CRY1: variants seen among roughly 807,000 people sequenced by gnomAD.
CRY1 encodes the protein cryptochrome-1.
A neutral mutation model predicts 76.0 loss-of-function variants in CRY1; 45 were observed. The ratio of observed to expected loss-of-function variants is 0.59; its 90% CI spans 0.47 to 0.76. CRY1 has a LOEUF of 0.76. Among genes scored for constraint, CRY1 ranks in the 30% least tolerant of loss-of-function variants. The pLI is 0.00. For missense variants in CRY1, 587 were observed against 716.4 expected (o/e 0.82, Z 2.06); for synonymous variants, 248 against 244.0 (o/e 1.02, Z -0.15).
chr12:107,048,326 C>A lies in CRY1; in HGVS notation c.159-26134G>T, dbSNP rs138934140. Among the ~76,000 whole-genome samples, 1,268 of 152,260 alleles carry A rather than the reference C, an allele frequency of 8.3e-3. 15 individuals carry two copies. Among genetic ancestry groups the A allele is most frequent in the African/African-American group, 0.029 (1,190 of 41,546 alleles). ...CGAACTCTGGACCTCATGATCCACCCACCTCGGCCTCCCAAAGTGCTGGGA... is the reference window on the plus strand; with the variant it reads ...CGAACTCTGGACCTCATGATCCACCAACCTCGGCCTCCCAAAGTGCTGGGA... On this transcript the variant is annotated intron_variant, in intron 1 of 12. Coordinates refer to ENST00000008527, the MANE Select transcript of CRY1 (RefSeq NM_004075.5).
intron 1 of CRY1, among the ~76,000 whole-genome samples, chr12:107,054,854 C>A (rs1220542521): frequency 6.6e-6 from 1 of 151,968 alleles, no homozygotes; most frequent in East Asian, 1.9e-4. Flanking sequence ...AGAACAAAAG[C>A]CTTCACTTCA....
At chr12:107,036,933 G>T (rs1005699022) in intron 1 of CRY1, among the ~76,000 whole-genome samples, 1 of 151,898 alleles carries the variant, frequency 6.6e-6, no homozygotes, top group South Asian at 2.1e-4. Context: ...TAGCATTCCT[G>T]AGCCCCCTTC....
In CRY1 at chr12:107,093,369, A is replaced by T. The variant is rs539020678; in HGVS notation, c.-408T>A. The T allele has an allele frequency of 5.8e-6, 1 of 172,080 alleles. No individual in the cohort carries two copies. The highest frequency in any genetic ancestry group is 1.7e-4 in the South Asian group (1 of 5,810). The allele number at this position is 172,080 out of a possible 1,614,324, so 10.7% of individuals were successfully genotyped here. A position where few individuals can be genotyped will look rare whatever the true frequency, so the allele number is the denominator to read the frequency against. On this transcript the variant is annotated 5_prime_UTR_variant, in exon 1 of 13. Coordinates refer to ENST00000008527, the MANE Select transcript of CRY1 (RefSeq NM_004075.5). ...ACCTCGCCCCACCAAGGCGGCCCCT[A>T]AAGACAAAACGGCCCGCCCGAGGTG... is the stretch of plus-strand genomic sequence containing the variant.
At chr12:106,994,045 T>TA (rs140864549) in intron 10 of CRY1, among the ~76,000 whole-genome samples, 2,845 of 151,562 alleles carry the variant, frequency 0.019, 50 homozygotes, top group Non-Finnish European at 0.026. Flanking sequence ...CCACAGTCAT[T>TA]AAAAAAACAA....
At position 107,019,664 on chromosome 12, in the gene CRY1, C is replaced by T. The variant is rs545174349; in HGVS notation, c.267+2420G>A. On this transcript the variant is annotated intron_variant, in intron 2 of 12. Transcript: ENST00000008527. ...AAGCAACTAGGGCTAGGTGCTACAGCTTATGCCTGTAATCCCAGTGCTTTG... is the reference window on the plus strand; with the variant it reads ...AAGCAACTAGGGCTAGGTGCTACAGTTTATGCCTGTAATCCCAGTGCTTTG... Among the ~76,000 whole-genome samples, 35 of 152,232 alleles carry T rather than the reference C, an allele frequency of 2.3e-4. No homozygotes were observed. The South Asian group carries it at 3.5e-3, about 15-fold the overall frequency.
intron 1 of CRY1, among the ~76,000 whole-genome samples, chr12:107,078,517 G>A (rs1228294730): frequency 6.6e-6 from 1 of 151,984 alleles, no homozygotes; most frequent in South Asian, 2.1e-4. Context: ...CATAGTATTC[G>A]CTGAGTTTTT....
At position 106,997,194 on chromosome 12, in the gene CRY1, G is replaced by C. The variant is rs966522767; in HGVS notation, c.1585+100C>G. ...AAGAATCTATTAAGCTAATTTCAAA[G>C]ACAGATTTTTATAAAATATGTTAGT... On this transcript the variant is annotated intron_variant, in intron 10 of 12. Transcript: ENST00000008527. The C allele has an allele frequency of 3.7e-6, 4 of 1,088,216 alleles. No homozygotes were observed. In the Middle Eastern group the frequency reaches 9.0e-4, roughly 246 times the overall value. The allele number at this position is 1,088,216 out of a possible 1,614,324, so 67.4% of individuals were successfully genotyped here.
intron 1 of CRY1, among the ~76,000 whole-genome samples, chr12:107,022,985 G>A (rs939587715): frequency 1.3e-5 from 2 of 152,116 alleles, no homozygotes; most frequent in Non-Finnish European, 2.9e-5. Context: ...TGCTTACTGT[G>A]CATCTTCTGT....
rs1358516055 is a variant in CRY1 at position 106,997,396 on chromosome 12, A to C, written c.1493-10T>G. 3 of 1,612,296 alleles carry C rather than the reference A, an allele frequency of 1.9e-6. No homozygotes were observed. Among genetic ancestry groups the C allele is most frequent in the Non-Finnish European group, 1.7e-6 (2 of 1,179,260 alleles). ...ACTGATGCCAGAAGACCTAAAGGAC[A>C]AAAAAATTTTCTTTTAAATTATGAT... On this transcript the variant is annotated splice_polypyrimidine_tract_variant and intron_variant, in intron 9 of 12. Transcript: ENST00000008527.
chr12:107,012,651 G>C (rs947599148), intron 2 of CRY1, among the ~76,000 whole-genome samples: 1 of 152,226 alleles, frequency 6.6e-6, no homozygotes, highest in Non-Finnish European at 1.5e-5. Context: ...TAAGGCTATA[G>C]CTGCCACAGA....
intron 1 of CRY1, among the ~76,000 whole-genome samples, chr12:107,057,622 T>C (rs1292107909): frequency 1.3e-5 from 2 of 152,032 alleles, no homozygotes; most frequent in Non-Finnish European, 1.5e-5. Flanking sequence ...TCCTAGCTAC[T>C]TGGGAGGCTG....
chr12:107,044,612 A>G (rs1952830743), intron 1 of CRY1, among the ~76,000 whole-genome samples: 1 of 152,176 alleles, frequency 6.6e-6, no homozygotes, highest in South Asian at 2.1e-4. Flanking sequence ...CAATACAGAC[A>G]GACTATTCAA....
At chr12:107,050,915 C>G (rs987974827) in intron 1 of CRY1, among the ~76,000 whole-genome samples, 9 of 152,008 alleles carry the variant, frequency 5.9e-5, no homozygotes, top group African/African-American at 2.2e-4. Flanking sequence ...AAGAGCAGGA[C>G]AGAAAGATTC....
At chr12:107,007,721 G>A (rs1952391160) in intron 2 of CRY1, among the ~76,000 whole-genome samples, 1 of 151,546 alleles carries the variant, frequency 6.6e-6, no homozygotes, top group South Asian at 2.1e-4. Flanking sequence ...GTAAAGACAG[G>A]GTCTCACTGT....
In CRY1 at chr12:107,006,676, CACCCAGGCTGA is replaced by C. The variant is rs1342318155; in HGVS notation, c.268-1439_268-1429del. On this transcript the variant is annotated intron_variant, in intron 2 of 12. Transcript: ENST00000008527. ...TTTTTTAGATGACATCTCACTTTGT[CACCCAGGCTGA>C]AGTGCAGTGGCTGAAGTGCAGTGGC... Among the ~76,000 whole-genome samples the C allele has an allele frequency of 3.0e-4, 37 of 123,622 alleles. 1 individual carries two copies. The highest frequency in any genetic ancestry group is 1.1e-3 in the African/African-American group (35 of 32,954). The allele number at this position is 123,622 out of a possible 152,430, so 81.1% of individuals were successfully genotyped here.
intron 1 of CRY1, among the ~76,000 whole-genome samples, chr12:107,038,001 A>G (rs1952756389): frequency 6.6e-6 from 1 of 152,174 alleles, no homozygotes; most frequent in African/African-American, 2.4e-5. Context: ...GAGCCACCAC[A>G]GCTGGCCCTG....
chr12:107,017,305 C>T (rs1952507368), intron 2 of CRY1, among the ~76,000 whole-genome samples: 1 of 152,378 alleles, frequency 6.6e-6, no homozygotes, highest in South Asian at 2.1e-4. Context: ...CACATGTCTA[C>T]TTCAAGGCCT....
chr12:106,992,563 A>C (rs1952190440), intron 12 of CRY1: 1 of 388,982 alleles, frequency 2.6e-6, no homozygotes, highest in Non-Finnish European at 4.6e-6. Context: ...CTCTAATTTA[A>C]AGAGCATTGG....
At chr12:107,071,346 C>T (rs1953188715) in intron 1 of CRY1, among the ~76,000 whole-genome samples, 1 of 152,154 alleles carries the variant, frequency 6.6e-6, no homozygotes, top group Non-Finnish European at 1.5e-5. Flanking sequence ...TGGAAGTGAT[C>T]ATATAATTAT....
Sources: gnomAD v4.1 joint callset for allele counts (sites outside exome capture counted in the v4.1 genomes callset) on GRCh38, gnomAD v4.1.1 for gene constraint, MANE v1.5 for transcripts, NCBI Gene and HGNC (gene_info 2026-07-23, HGNC 2026-07-21) for gene names.